Variants in GPRC5A observed in about 807,000 individuals in gnomAD.
The protein encoded by GPRC5A is G protein-coupled receptor class C group 5 member A.
Under a neutral mutation model 22.5 loss-of-function variants are expected in GPRC5A, and 19 were observed. The observed-to-expected ratio is 0.85, with a 90% CI of 0.59 to 1.24. The LOEUF is 1.24. Ranked by LOEUF, GPRC5A falls within the 50% of genes most tolerant of loss-of-function variation. The pLI is 0.00. For synonymous variants in GPRC5A, 192 were observed against 184.5 expected (o/e 1.04, Z -0.33); for missense variants, 471 against 451.1 (o/e 1.04, Z -0.40).
intron 1 of GPRC5A, among the ~76,000 whole-genome samples, chr12:12,897,662 G>T (rs905185276): frequency 2.7e-5 from 4 of 149,718 alleles, no homozygotes; most frequent in African/African-American, 7.4e-5. Context: ...AGGCTGGAGT[G>T]TAGTGGCGTG....
In GPRC5A at chr12:12,917,000, T is replaced by G. The variant is rs1431540979; in HGVS notation, c.*4461T>G. ...CCCCAGTCTGAAACATGGGATTATT[T>G]CAGAATTGGAGGTGGCAGCTTCAGA... On this transcript the variant is annotated 3_prime_UTR_variant, in exon 4 of 4. Transcript: ENST00000014914. 6.6e-6 allele frequency: 1 copy of G among 152,114 alleles called. No individual in the cohort carries two copies. Among genetic ancestry groups the G allele is most frequent in the Non-Finnish European group, 1.5e-5 (1 of 68,056 alleles). The allele number at this position is 152,114 out of a possible 1,614,324, so 9.4% of individuals were successfully genotyped here.
At chr12:12,912,314 C>A in intron 3 of GPRC5A, 133 bp from the exon 4 acceptor site, 1 of 840,156 alleles carries the variant, frequency 1.2e-6, no homozygotes, top group Non-Finnish European at 2.1e-6. Flanking sequence ...AGAATGAGTG[C>A]TTGGCATAGA....
intron 1 of GPRC5A, among the ~76,000 whole-genome samples, chr12:12,895,749 G>A (rs751046789): frequency 2.0e-5 from 3 of 147,566 alleles, no homozygotes; most frequent in Non-Finnish European, 4.4e-5. Context: ...AGGCTGAGGC[G>A]GGCAGATCAC....
At position 12,915,280 on chromosome 12, in the gene GPRC5A, A is replaced by T. The variant is rs1245420266; in HGVS notation, c.*2741A>T. 6.6e-6 allele frequency: 1 copy of T among 152,224 alleles called. No individual in the cohort carries two copies. The highest frequency in any genetic ancestry group is 1.5e-5 in the Non-Finnish European group (1 of 68,048). The allele number at this position is 152,224 out of a possible 1,614,324, so 9.4% of individuals were successfully genotyped here. ...TTTTTACCAAGTTGATATAAAAATG[A>T]AACAGGATCCAGGCATGGGTCTTTA... is the stretch of plus-strand genomic sequence containing the variant. On this transcript the variant is annotated 3_prime_UTR_variant, in exon 4 of 4. Transcript: ENST00000014914.
intron 1 of GPRC5A, among the ~76,000 whole-genome samples, chr12:12,900,121 C>T (rs1446221375): frequency 2.6e-5 from 4 of 152,214 alleles, no homozygotes; most frequent in Non-Finnish European, 5.9e-5. Context: ...CTAGGGTCAG[C>T]GCTGCTCCAG....
intron 1 of GPRC5A, among the ~76,000 whole-genome samples, chr12:12,897,058 G>C (rs2417236): frequency 0.44 from 65,959 of 151,566 alleles, 16,458 homozygotes; most frequent in Non-Finnish European, 0.55. Context: ...AAAACCCTGC[G>C]TCTACTAAAA....
Position 12,908,791 on chromosome 12 carries a change from T to C in GPRC5A, c.542T>C (p.Leu181Pro). The C allele has an allele frequency of 6.2e-7, 1 of 1,614,238 alleles. No individual in the cohort carries two copies. Among genetic ancestry groups the C allele is most frequent in the East Asian group, 2.2e-5 (1 of 44,884 alleles). The change falls in exon 2 of 4, where the codon CTC becomes CCC. Residue 181 changes from leucine (L) to proline (P), a missense_variant. By Grantham distance (98) the Leu-to-Pro change is moderately conservative (BLOSUM62 -3). Coordinates refer to ENST00000014914, the MANE Select transcript of GPRC5A (RefSeq NM_003979.4). The stretch of plus-strand genomic sequence containing the variant: ...CGCAATGAAGACTTTGTCCTCCTGC[T>C]CACCTACGTCCTCTTCTTGATGGCG... ...PRRNEDFVLL[L>P]TYVLFLMALT...
At chr12:12,909,214 G>A (rs988592761) in intron 2 of GPRC5A, 43 bp downstream of exon 2, 1 of 1,315,638 alleles carries the variant, frequency 7.6e-7, no homozygotes, top group Non-Finnish European at 1.0e-6. Context: ...CTTGTAGAAA[G>A]GTGGGGGAGA....
intron 1 of GPRC5A, among the ~76,000 whole-genome samples, chr12:12,892,430 C>A (rs1863769734): frequency 6.6e-6 from 1 of 151,904 alleles, no homozygotes; most frequent in Non-Finnish European, 1.5e-5. Context: ...TACAATGTTG[C>A]GATCTCAGCT....
chr12:12,906,910 A>G (rs191550701), intron 1 of GPRC5A, among the ~76,000 whole-genome samples: 42 of 152,222 alleles, frequency 2.8e-4, no homozygotes, highest in African/African-American at 9.9e-4. Flanking sequence ...ATACAAAATT[A>G]GCTGGGCATG....
At chr12:12,911,190 C>T (rs942043528) in intron 2 of GPRC5A, among the ~76,000 whole-genome samples, 5 of 151,858 alleles carry the variant, frequency 3.3e-5, no homozygotes, top group African/African-American at 7.3e-5. Flanking sequence ...TAAATAAAGG[C>T]GTTTAAGTGT....
At chr12:12,910,237 G>C (rs895586986) in intron 2 of GPRC5A, among the ~76,000 whole-genome samples, 1 of 152,136 alleles carries the variant, frequency 6.6e-6, no homozygotes, top group Non-Finnish European at 1.5e-5. Context: ...GAACTTCCTG[G>C]TGCTACTCAC....
Position 12,912,149 on chromosome 12 carries a change from G to T in GPRC5A, c.981+7G>T, listed in dbSNP as rs1457820791. 6.3e-7 allele frequency: 1 copy of T among 1,599,470 alleles called. No individual in the cohort carries two copies. Among genetic ancestry groups the T allele is most frequent in the East Asian group, 2.2e-5 (1 of 44,814 alleles). On this transcript the variant is annotated splice_region_variant and intron_variant, in intron 3 of 3. Transcript: ENST00000014914. ...CACACATTTTCAGCTGCAGGTAAGTGATTTTTTTCTCCCTCTTCATCAAAG... is the reference window on the plus strand; with the variant it reads ...CACACATTTTCAGCTGCAGGTAAGTTATTTTTTTCTCCCTCTTCATCAAAG...
At chr12:12,892,720 C>G (rs1010957788) in intron 1 of GPRC5A, among the ~76,000 whole-genome samples, 1 of 152,190 alleles carries the variant, frequency 6.6e-6, no homozygotes, top group African/African-American at 2.4e-5. Flanking sequence ...GAAACCTGCT[C>G]AGAATCAAGG....
At chr12:12,903,071 CA>C (rs1263006671) in intron 1 of GPRC5A, among the ~76,000 whole-genome samples, 22 of 148,306 alleles carry the variant, frequency 1.5e-4, no homozygotes, top group Non-Finnish European at 2.5e-4. Flanking sequence ...CCGTCTCAAA[CA>C]AAAAAGAAAA....
rs532168781 is a variant in GPRC5A at position 12,915,810 on chromosome 12, C to A, written c.*3271C>A. On this transcript the variant is annotated 3_prime_UTR_variant, in exon 4 of 4. Coordinates refer to ENST00000014914, the MANE Select transcript of GPRC5A (RefSeq NM_003979.4). ...GGATTACAGGCATGAGCCACCGCGC[C>A]CGGCCCCGTTGTTTCCCTTCTAAGA... The A allele has an allele frequency of 7.8e-6, 4 of 511,280 alleles. No individual in the cohort carries two copies. Among genetic ancestry groups the A allele is most frequent in the Non-Finnish European group, 1.6e-5 (4 of 245,290 alleles). The allele number at this position is 511,280 out of a possible 1,614,324, so 31.7% of individuals were successfully genotyped here.
chr12:12,908,131 C>A, intron 1 of GPRC5A, 112 bp from the exon 2 acceptor site: 1 of 693,884 alleles, frequency 1.4e-6, no homozygotes, highest in Non-Finnish European at 2.4e-6. Context: ...AAGTCAAAAC[C>A]CTGGCTAAAC....
intron 1 of GPRC5A, among the ~76,000 whole-genome samples, chr12:12,905,406 C>T (rs11831394): frequency 1.6e-3 from 240 of 152,068 alleles, no homozygotes; most frequent in African/African-American, 5.5e-3. Flanking sequence ...TCTTCTAGTC[C>T]GTTCAAAACT....
chr12:12,909,072 A>G lies in GPRC5A; in HGVS notation c.823A>G (p.Met275Val). 1.2e-6 allele frequency: 2 copies of G among 1,607,660 alleles called. No homozygotes were observed. Among genetic ancestry groups the G allele is most frequent in the South Asian group, 1.1e-5 (1 of 91,088 alleles). The change falls in exon 2 of 4, where the codon ATG becomes GTG. Residue 275 changes from methionine to valine, a missense_variant. By Grantham distance (21) the Met-to-Val change is conservative. Coordinates refer to ENST00000014914, the MANE Select transcript of GPRC5A (RefSeq NM_003979.4). ...GCTGCTCACAAAGCAACGAAACCCCATGGATTATCCTGTTGAGGATGCTTT... is the reference window on the plus strand; with the variant it reads ...GCTGCTCACAAAGCAACGAAACCCCGTGGATTATCCTGTTGAGGATGCTTT... ...FWLLTKQRNP[M>V]DYPVEDAFCK...
Sources: allele counts gnomAD v4.1 joint callset (sites outside exome capture counted in the v4.1 genomes callset), GRCh38; gene constraint gnomAD v4.1.1; transcripts MANE v1.5; gene names NCBI Gene and HGNC (gene_info 2026-07-23, HGNC 2026-07-21).